The following STRA8 variants were observed in gnomAD, a reference collection of about 807,000 sequenced individuals.
The protein encoded by STRA8 is stimulated by retinoic acid gene 8 protein homolog.
STRA8 carries 18 observed loss-of-function variants against 37.1 expected under a neutral mutation model. That is an observed-to-expected ratio of 0.48 (90% CI 0.34 to 0.72). The LOEUF (loss-of-function observed/expected upper bound fraction) is 0.72. Ranked by LOEUF, STRA8 falls within the 30% of genes least tolerant of loss-of-function variation. The probability of loss-of-function intolerance (pLI) is 0.01; values close to 1 mark genes in which losing one functional copy is unlikely to be tolerated. For missense variants in STRA8, 357 were observed against 410.4 expected (o/e 0.87, Z 1.13); for synonymous variants, 168 against 162.9 (o/e 1.03, Z -0.24).
Position 135,251,512 on chromosome 7 carries a change from C to T in STRA8, c.880-284C>T, listed in dbSNP as rs146528337. On this transcript the variant is annotated intron_variant, in intron 6 of 8. Transcript: ENST00000662584. ...CTGGTAATTGCATCTCACACCTGAGCTCCCACCTTCGTCGGCAAGAGGAAT... is the reference window on the plus strand; with the variant it reads ...CTGGTAATTGCATCTCACACCTGAGTTCCCACCTTCGTCGGCAAGAGGAAT... Among the ~76,000 whole-genome samples the T allele has an allele frequency of 1.7e-4, 26 of 152,274 alleles. 1 individual carries two copies. Among genetic ancestry groups the T allele is most frequent in the African/African-American group, 5.1e-4 (21 of 41,556 alleles).
At chr7:135,255,552 G>A (rs73156152) in intron 8 of STRA8, among the ~76,000 whole-genome samples, 42,761 of 152,198 alleles carry the variant, frequency 0.28, 6,227 homozygotes, top group Middle Eastern at 0.4. Flanking sequence ...GAGCATGACA[G>A]CCTGAGCTTT....
chr7:135,232,088 G>A, upstream of STRA8: 3 of 1,542,198 alleles, frequency 1.9e-6, no homozygotes, highest in South Asian at 3.3e-5. Context: ...TTTTTTCTGG[G>A]TGCACATCTG....
At chr7:135,243,472 G>A in intron 4 of STRA8, 62 bp downstream of exon 4, 2 of 1,496,418 alleles carry the variant, frequency 1.3e-6, no homozygotes, top group Non-Finnish European at 1.8e-6. Context: ...CATCAGTACT[G>A]TCTGGTGGCA....
intron 6 of STRA8, among the ~76,000 whole-genome samples, chr7:135,247,381 T>C (rs567718504): frequency 7.2e-5 from 11 of 152,186 alleles, no homozygotes; most frequent in Non-Finnish European, 1.5e-4. Context: ...AGGCCTCTCT[T>C]GGCTCTGCTC....
intron 8 of STRA8, among the ~76,000 whole-genome samples, chr7:135,256,350 G>A (rs1466902564): frequency 1.3e-5 from 2 of 151,384 alleles, no homozygotes; most frequent in Non-Finnish European, 1.5e-5. Flanking sequence ...ATCCTTGGGT[G>A]ACAGTCCCCT....
intron 1 of STRA8, among the ~76,000 whole-genome samples, chr7:135,239,986 A>G (rs1169755370): frequency 2.6e-5 from 4 of 152,018 alleles, no homozygotes; most frequent in African/African-American, 9.7e-5. Context: ...TGTAACTACT[A>G]TCCACATCAA....
chr7:135,258,162 C>G (rs1357973852), intron 8 of STRA8, among the ~76,000 whole-genome samples: 3 of 152,124 alleles, frequency 2.0e-5, no homozygotes, highest in Non-Finnish European at 4.4e-5. Context: ...CTGGAAATCC[C>G]CAGGATAAAA....
chr7:135,236,344 C>T (rs949664646), intron 1 of STRA8, among the ~76,000 whole-genome samples: 1 of 151,964 alleles, frequency 6.6e-6, no homozygotes, highest in South Asian at 2.1e-4. Context: ...CACAAAGTCA[C>T]AAGGTTGGTT....
At chr7:135,240,885 T>C (rs1203320634) in intron 2 of STRA8, among the ~76,000 whole-genome samples, 169 bp downstream of exon 2, 1 of 152,202 alleles carries the variant, frequency 6.6e-6, no homozygotes, top group Non-Finnish European at 1.5e-5. Context: ...AGTTTATTGC[T>C]CCAGGTTCTG....
chr7:135,243,160 G>T (rs1383337496), intron 3 of STRA8, among the ~76,000 whole-genome samples, 166 bp from the exon 4 acceptor site: 1 of 152,118 alleles, frequency 6.6e-6, no homozygotes, highest in Non-Finnish European at 1.5e-5. Flanking sequence ...CTTGTCTAAG[G>T]CTCTCCCTTC....
At position 135,246,884 on chromosome 7, in the gene STRA8, G is replaced by C. The variant is rs1267416663; in HGVS notation, c.879+182G>C. Reference sequence around the variant, plus strand: ...TTTTGAGACGGAGTCTCGCTCTGTCGCCCAGGCTGGAGTGCAGTGGCGCGA... The same window carrying C: ...TTTTGAGACGGAGTCTCGCTCTGTCCCCCAGGCTGGAGTGCAGTGGCGCGA... On this transcript the variant is annotated intron_variant, in intron 6 of 8. Coordinates refer to ENST00000662584, the MANE Select transcript of STRA8 (RefSeq NM_001394401.1). The surrounding 1 kb of genome is among the most constrained non-coding windows in gnomAD (Gnocchi z 5.4). 1.5e-6 allele frequency: 1 copy of C among 665,720 alleles called. No individual in the cohort carries two copies. The allele number at this position is 665,720 out of a possible 1,614,324, so 41.2% of individuals were successfully genotyped here.
At chr7:135,238,376 G>C (rs543992782) in intron 1 of STRA8, among the ~76,000 whole-genome samples, 1 of 152,290 alleles carries the variant, frequency 6.6e-6, no homozygotes, top group Admixed American at 6.5e-5. Flanking sequence ...TGCCCCCTAT[G>C]GGGGAGGCAG....
At position 135,246,671 on chromosome 7, in the gene STRA8, C is replaced by G; in HGVS notation, c.848C>G (p.Ala283Gly). 6.5e-7 allele frequency: 1 copy of G among 1,530,504 alleles called. No homozygotes were observed. Among genetic ancestry groups the G allele is most frequent in the African/African-American group, 1.4e-5 (1 of 72,802 alleles). The allele number at this position is 1,530,504 out of a possible 1,614,324, so 94.8% of individuals were successfully genotyped here. ...VKDSGVDSQG[A>G]SCSLVSTPEE... ...GACAGCGGCGTGGACAGCCAGGGGGCCAGCTGCTCGCTGGTCTCCACGCCC... is the reference window on the plus strand; with the variant it reads ...GACAGCGGCGTGGACAGCCAGGGGGGCAGCTGCTCGCTGGTCTCCACGCCC... Residue 283 changes from alanine (A) to glycine (G), a missense_variant, in exon 6 of 9, where the codon GCC becomes GGC. By Grantham distance (60) the Ala-to-Gly change is moderately conservative. Transcript: ENST00000662584. This position sits in a 1 kb window ranked among gnomAD's most constrained non-coding sequence, Gnocchi z 5.4.
chr7:135,242,802 A>C lies in STRA8; in HGVS notation c.214A>C (p.Lys72Gln). 1 of 1,614,192 alleles carries C rather than the reference A, an allele frequency of 6.2e-7. No homozygotes were observed. Among genetic ancestry groups the C allele is most frequent in the Non-Finnish European group, 8.5e-7 (1 of 1,180,000 alleles). Residue 72 changes from lysine to glutamine, a missense_variant, in exon 3 of 9, where the codon AAG becomes CAG. By Grantham distance (53) the Lys-to-Gln change is moderately conservative (BLOSUM62 1). Transcript: ENST00000662584. ...ASKWQVLNKA[K>Q]SHIPELEQTL... The stretch of plus-strand genomic sequence containing the variant: ...TCAGTGGCAGGTTCTGAATAAGGCA[A>C]AGAGTCATATTCCAGAACTGGAGCA...
intron 6 of STRA8, among the ~76,000 whole-genome samples, chr7:135,247,609 A>G (rs1832580271): frequency 6.6e-6 from 1 of 152,212 alleles, no homozygotes; most frequent in Non-Finnish European, 1.5e-5. Context: ...TGCTGAGCCA[A>G]TGACTGGCCA....
intron 7 of STRA8, among the ~76,000 whole-genome samples, chr7:135,254,486 G>A (rs1024831365): frequency 3.9e-5 from 6 of 152,172 alleles, no homozygotes; most frequent in South Asian, 2.1e-4. Flanking sequence ...AATGTTGCAC[G>A]AGCCCCTGCC....
Position 135,246,220 on chromosome 7 carries a change from GTCTATGTCCTTCATGGCCC to G in STRA8, c.594-196_594-178del. On this transcript the variant is annotated intron_variant, in intron 5 of 8. Coordinates refer to ENST00000662584, the MANE Select transcript of STRA8 (RefSeq NM_001394401.1). The surrounding 1 kb of genome is among the most constrained non-coding windows in gnomAD (Gnocchi z 5.4). Reference sequence around the variant, plus strand: ...CTTGGGGAGGGGCCCCAAAGCCCAAGTCTATGTCCTTCATGGCCCCCAGGAAGGCTGCTGCTCTCCAAGG... The same window carrying G: ...CTTGGGGAGGGGCCCCAAAGCCCAAGCCAGGAAGGCTGCTGCTCTCCAAGG... 1.4e-6 allele frequency: 1 copy of G among 720,786 alleles called. No homozygotes were observed. The highest frequency in any genetic ancestry group is 2.3e-6 in the Non-Finnish European group (1 of 442,756). 44.6% of individuals were successfully genotyped at this position (720,786 alleles called of 1,614,324 possible).
chr7:135,257,911 T>C (rs1832724053), intron 8 of STRA8, among the ~76,000 whole-genome samples: 1 of 152,266 alleles, frequency 6.6e-6, no homozygotes, highest in African/African-American at 2.4e-5. Flanking sequence ...CATCCAAAGA[T>C]ATTCTACAGA....
intron 1 of STRA8, among the ~76,000 whole-genome samples, 113 bp downstream of exon 1, chr7:135,234,016 G>A (rs1323724730): frequency 6.6e-6 from 1 of 152,086 alleles, no homozygotes. Flanking sequence ...CTTTTAGCGC[G>A]GGGTTCACAG....
Sources: gnomAD v4.1 joint callset for allele counts (sites outside exome capture counted in the v4.1 genomes callset) on GRCh38, gnomAD v4.1.1 for gene constraint, Gnocchi (gnomAD v3.1) non-coding constraint, MANE v1.5 for transcripts, NCBI Gene and HGNC (gene_info 2026-07-23, HGNC 2026-07-21) for gene names.